DPP10: variants seen among roughly 807,000 people sequenced by gnomAD.
The protein encoded by DPP10 is inactive dipeptidyl peptidase 10.
In DPP10, 33 loss-of-function variants were observed where a neutral mutation model predicts 120.9. The observed-to-expected ratio is 0.27, with a 90% CI of 0.21 to 0.37. The LOEUF is 0.37. DPP10 is among the 10% of genes least tolerant of loss of function. The pLI is 1.00. For synonymous variants in DPP10, 337 were observed against 326.1 expected (o/e 1.03, Z -0.36); for missense variants, 816 against 942.8 (o/e 0.87, Z 1.76).
chr2:115,099,142 AAAAAGAAAAAAAG>A (rs2048556878), intron 1 of DPP10, among the ~76,000 whole-genome samples: 2 of 150,532 alleles, frequency 1.3e-5, no homozygotes, highest in Non-Finnish European at 2.9e-5. Context: ...AAAAAAAAAA[AAAAAGAAAAAAAG>A]AAAAGAAAAA....
intron 1 of DPP10, among the ~76,000 whole-genome samples, chr2:115,243,043 G>A (rs950855493): frequency 7.9e-5 from 12 of 151,990 alleles, no homozygotes; most frequent in Non-Finnish European, 1.2e-4. Context: ...ATACACACAC[G>A]TGTGCACCTA....
chr2:115,007,178 A>T (rs991639039), intron 1 of DPP10, among the ~76,000 whole-genome samples: 1 of 152,144 alleles, frequency 6.6e-6, no homozygotes, highest in African/African-American at 2.4e-5. Context: ...ATCCTCAATA[A>T]AATACTGGCA....
chr2:115,109,885 G>A (rs1340914521), intron 1 of DPP10, among the ~76,000 whole-genome samples: 1 of 152,156 alleles, frequency 6.6e-6, no homozygotes, highest in Non-Finnish European at 1.5e-5. Context: ...TTTCAACAAT[G>A]CTGAGCTTGA....
At chr2:114,965,337 A>T (rs1001540859) in intron 1 of DPP10, among the ~76,000 whole-genome samples, 14 of 152,020 alleles carry the variant, frequency 9.2e-5, no homozygotes, top group Non-Finnish European at 1.6e-4. Flanking sequence ...GGGTTTCACC[A>T]TGTTGGCCAG....
At chr2:114,760,056 A>G (rs1283151381) in intron 1 of DPP10, among the ~76,000 whole-genome samples, 5 of 152,156 alleles carry the variant, frequency 3.3e-5, no homozygotes, top group Admixed American at 2.6e-4. Flanking sequence ...AATCTGAGCT[A>G]TCATATCTCT....
intron 1 of DPP10, among the ~76,000 whole-genome samples, chr2:114,713,831 C>T (rs571970068): frequency 2.0e-5 from 3 of 151,764 alleles, no homozygotes; most frequent in South Asian, 2.1e-4. Flanking sequence ...ACTAATAATA[C>T]AAAAATAGCC....
chr2:114,474,740 G>A (rs184020584), intron 1 of DPP10, among the ~76,000 whole-genome samples: 182 of 152,308 alleles, frequency 1.2e-3, no homozygotes, highest in African/African-American at 4.2e-3. Flanking sequence ...TGACCTTGGG[G>A]GAGAAACACA....
chr2:115,459,387 C>T (rs1335076919), intron 3 of DPP10, among the ~76,000 whole-genome samples: 2 of 151,862 alleles, frequency 1.3e-5, no homozygotes, highest in African/African-American at 4.8e-5. Flanking sequence ...GAACTCTTGA[C>T]CTCAGGTGAT....
At chr2:115,259,289 C>T (rs942726543) in intron 1 of DPP10, among the ~76,000 whole-genome samples, 11 of 152,114 alleles carry the variant, frequency 7.2e-5, no homozygotes, top group Non-Finnish European at 1.5e-4. Flanking sequence ...CGAGACCACC[C>T]TGACCAACAT....
intron 4 of DPP10, among the ~76,000 whole-genome samples, chr2:115,517,252 C>T (rs949107825): frequency 2.0e-5 from 3 of 152,122 alleles, no homozygotes; most frequent in African/African-American, 7.2e-5. Flanking sequence ...ATAAAATGAC[C>T]TGTAGAATGC....
At chr2:115,076,893 T>A (rs1707846849) in intron 1 of DPP10, among the ~76,000 whole-genome samples, 1 of 152,260 alleles carries the variant, frequency 6.6e-6, no homozygotes, top group Admixed American at 6.5e-5. Flanking sequence ...AGACTAAAAT[T>A]GTTCACTTTT....
chr2:115,647,085 A>G (rs2087328514), intron 5 of DPP10, among the ~76,000 whole-genome samples: 1 of 152,160 alleles, frequency 6.6e-6, no homozygotes, highest in Non-Finnish European at 1.5e-5. Context: ...TTATCTAGTT[A>G]TTTGTAATTC....
chr2:114,831,303 G>A (rs1462298696), intron 1 of DPP10, among the ~76,000 whole-genome samples: 2 of 151,930 alleles, frequency 1.3e-5, no homozygotes, highest in East Asian at 1.9e-4. Context: ...CACCATAAGG[G>A]ATATTTGTAA....
chr2:114,470,445 C>T (rs535356876), intron 1 of DPP10, among the ~76,000 whole-genome samples: 2 of 152,252 alleles, frequency 1.3e-5, no homozygotes, highest in Admixed American at 1.3e-4. Context: ...TTTCAAGTCA[C>T]CTTCCATTAC....
intron 1 of DPP10, among the ~76,000 whole-genome samples, chr2:115,073,934 G>A (rs1012533431): frequency 1.3e-5 from 2 of 152,156 alleles, no homozygotes; most frequent in Non-Finnish European, 2.9e-5. Context: ...AAAATCACAT[G>A]AGCCTGTTCT....
chr2:115,161,168 C>T (rs2052294484), intron 1 of DPP10: 1 of 152,662 alleles, frequency 6.6e-6, no homozygotes, highest in Admixed American at 6.5e-5. Flanking sequence ...ATTCGGAAGG[C>T]GCAGCTACAG....
intron 1 of DPP10, among the ~76,000 whole-genome samples, chr2:114,601,275 GCCA>G (rs926095914): frequency 6.6e-6 from 1 of 151,822 alleles, no homozygotes; most frequent in African/African-American, 2.4e-5. Context: ...TTGTGTAGGT[GCCA>G]CCAAGTCCTC....
At chr2:114,461,449 G>C (rs1011149362) in intron 1 of DPP10, 3 of 359,680 alleles carry the variant, frequency 8.3e-6, no homozygotes, top group South Asian at 1.1e-4. Flanking sequence ...CCATGGTTGC[G>C]GTCTTTCAAG....
chr2:114,954,284 C>T (rs1259184060), intron 1 of DPP10, among the ~76,000 whole-genome samples: 4 of 151,848 alleles, frequency 2.6e-5, no homozygotes, highest in Non-Finnish European at 5.9e-5. Flanking sequence ...AGGGTTTCAC[C>T]GTGTTAGCCA....
Sources: gnomAD v4.1 joint callset for allele counts (sites outside exome capture counted in the v4.1 genomes callset) on GRCh38, gnomAD v4.1.1 for gene constraint, MANE v1.5 for transcripts, NCBI Gene and HGNC (gene_info 2026-07-23, HGNC 2026-07-21) for gene names.